NOL6: variants seen among roughly 807,000 people sequenced by gnomAD.
NOL6 encodes the protein nucleolar protein 6.
A neutral mutation model predicts 131.7 loss-of-function variants in NOL6; 33 were observed. The ratio of observed to expected loss-of-function variants is 0.25; its 90% confidence interval spans 0.19 to 0.33. NOL6 has a LOEUF of 0.33. Ranked by LOEUF, NOL6 falls within the 10% of genes least tolerant of loss-of-function variation. NOL6 has a pLI of 1.00. For missense variants in NOL6, 1,297 were observed against 1,494.5 expected (o/e 0.87, Z 2.18); for synonymous variants, 580 against 605.7 (o/e 0.96, Z 0.62).
At chr9:33,473,392 CCA>C (rs1488205606) in intron 1 of NOL6, among the ~76,000 whole-genome samples, 1 of 152,218 alleles carries the variant, frequency 6.6e-6, no homozygotes, top group African/African-American at 2.4e-5. Flanking sequence ...GCCTCTCATC[CCA>C]GAGAGCCTTA....
At chr9:33,465,438 T>A (rs1394895357) in intron 19 of NOL6, 79 bp from the exon 20 acceptor site, 15 of 1,445,146 alleles carry the variant, frequency 1.0e-5, no homozygotes, top group Non-Finnish European at 1.4e-5. Flanking sequence ...AAGGCCAGCC[T>A]CAGTGATAAT....
intron 21 of NOL6, 57 bp downstream of exon 21, chr9:33,464,822 C>T: frequency 1.6e-6 from 2 of 1,289,398 alleles, no homozygotes; most frequent in Non-Finnish European, 2.2e-6. Flanking sequence ...GAAACCCTTG[C>T]CTGCAATCCA....
chr9:33,473,665 A>C (rs1010974627), intron 1 of NOL6, 124 bp downstream of exon 1: 14 of 1,095,576 alleles, frequency 1.3e-5, no homozygotes, highest in Non-Finnish European at 1.7e-5. Context: ...CTGGCTGGAA[A>C]CATCCTCCAG....
At position 33,469,647 on chromosome 9, in the gene NOL6, G is replaced by C; in HGVS notation, c.579C>G (p.Asp193Glu). ...TGCGGAAGTAGCGCTGGTTCAGCCC[G>C]TCCTTGTCCTGTAGGATTTCCTGGA... ...TMPREILQDKDGLNQRYFRKR... is the reference protein window; with the variant it reads ...TMPREILQDKEGLNQRYFRKR... Residue 193 changes from aspartate (D) to glutamate (E), a missense_variant, in exon 5 of 26, where the codon GAC (aspartate) becomes GAG (glutamate). Asp to Glu is a conservative substitution (Grantham distance 45). Transcript: ENST00000297990. 6.2e-7 allele frequency: 1 copy of C among 1,611,448 alleles called. No homozygotes were observed. The highest frequency in any genetic ancestry group is 1.3e-5 in the African/African-American group (1 of 74,838).
chr9:33,469,508 G>A lies in NOL6; in HGVS notation c.718C>T (p.Arg240Trp), dbSNP rs774045471. 16 of 1,605,144 alleles carry A rather than the reference G, an allele frequency of 1.0e-5. No homozygotes were observed. The highest frequency in any genetic ancestry group is 2.2e-5 in the East Asian group (1 of 44,792). The change falls in exon 5 of 26, where the codon CGG (arginine) becomes TGG (tryptophan). Residue 240 changes from arginine (R) to tryptophan (W), a missense_variant. Arg to Trp is a moderately radical substitution (Grantham distance 101, BLOSUM62 -3). Coordinates refer to ENST00000297990, the MANE Select transcript of NOL6 (RefSeq NM_022917.5). ...GCHLKPSLLL[R>W]PRGKDERLVT... ...AATGTGTGCCTCTCACCACGCGGCC[G>A]CAGCAACAGTGAGGGTTTCAGGTGG...
At position 33,466,385 on chromosome 9, in the gene NOL6, TAGA is replaced by T. The variant is rs1392507180; in HGVS notation, c.2129_2131del (p.Phe710del). On this transcript the variant is annotated inframe_deletion, in exon 17 of 26. Transcript: ENST00000297990. ...TGAGGACCGCTCCCGCAGAGTCTCA[TAGA>T]AGGAGAAGGCTGGACGGACTGGAGT... is the stretch of plus-strand genomic sequence containing the variant. 1.9e-6 allele frequency: 3 copies of T among 1,614,080 alleles called. No homozygotes were observed. The highest frequency in any genetic ancestry group is 1.7e-5 in the Admixed American group (1 of 60,026).
chr9:33,468,258 T>C (rs1160362687), intron 10 of NOL6, 63 bp downstream of exon 10: 5 of 1,608,758 alleles, frequency 3.1e-6, no homozygotes, highest in Non-Finnish European at 3.4e-6. Context: ...TTCTGGTACT[T>C]GCAAAAGGGA....
Position 33,463,891 on chromosome 9 carries a change from A to G in NOL6, c.2934T>C (p.Ala978=). The change falls in exon 23 of 26, where the codon GCT becomes GCC. Residue 978 remains alanine (A), a synonymous_variant. Coordinates refer to ENST00000297990, the MANE Select transcript of NOL6 (RefSeq NM_022917.5). ...QILQQLVVLA[A]EALPMLEKQL... The stretch of plus-strand genomic sequence containing the variant: ...GCTTCTCTAACATGGGCAGGGCTTC[A>G]GCTGCCAGGACCACAAGCTGCTGCA... 1.2e-6 allele frequency: 2 copies of G among 1,614,180 alleles called. No homozygotes were observed. The highest frequency in any genetic ancestry group is 2.2e-5 in the South Asian group (2 of 91,088).
At position 33,466,660 on chromosome 9, in the gene NOL6, T is replaced by C; in HGVS notation, c.2000A>G (p.Asp667Gly). 1.9e-6 allele frequency: 3 copies of C among 1,613,950 alleles called. No homozygotes were observed. Among genetic ancestry groups the C allele is most frequent in the Non-Finnish European group, 2.5e-6 (3 of 1,180,010 alleles). Residue 667 changes from aspartate to glycine, a missense_variant, in exon 16 of 26, where the codon GAC becomes GGC. Coordinates refer to ENST00000297990, the MANE Select transcript of NOL6 (RefSeq NM_022917.5). Reference protein sequence around the residue: ...EALVAAVRCYDDLSRLLWGLE... With the variant: ...EALVAAVRCYGDLSRLLWGLE... ...CCCCCACAGTAGGCGACTGAGGTCG[T>C]CGTAGCAACGTACCGCCGCTACCAG...
chr9:33,466,270 G>T, intron 17 of NOL6, 38 bp downstream of exon 17: 1 of 1,613,354 alleles, frequency 6.2e-7, no homozygotes, highest in East Asian at 2.2e-5. Flanking sequence ...CCTGGAGCTG[G>T]AACTATCCCT....
Position 33,469,214 on chromosome 9 carries a change from T to G in NOL6, c.855A>C (p.Ala285=), listed in dbSNP as rs963925625. 6.2e-7 allele frequency: 1 copy of G among 1,614,086 alleles called. No homozygotes were observed. The highest frequency in any genetic ancestry group is 1.3e-5 in the African/African-American group (1 of 74,946). ...RSAWYRGQSP[A]GDGSPEPPTP... ...ACACCAGGGCCTGCTCACCATCCCC[T>G]GCAGGACTCTGCCCTCGGTACCAGG... Residue 285 remains alanine (A), a synonymous_variant, in exon 6 of 26, where the codon GCA becomes GCC. Coordinates refer to ENST00000297990, the MANE Select transcript of NOL6 (RefSeq NM_022917.5).
rs1184171200 is a variant in NOL6, at chr9:33,462,154, T to A, written c.*510A>T. On this transcript the variant is annotated 3_prime_UTR_variant, in exon 26 of 26. Transcript: ENST00000297990. Reference sequence around the variant, plus strand: ...GTCTATTCATACACATATAGCCCCTTTCCACTGCTCAGTGTCGGTGATGTG... The same window carrying A: ...GTCTATTCATACACATATAGCCCCTATCCACTGCTCAGTGTCGGTGATGTG... 10 of 717,416 alleles carry A rather than the reference T, an allele frequency of 1.4e-5. No individual in the cohort carries two copies. The highest frequency in any genetic ancestry group is 2.6e-5 in the Non-Finnish European group (10 of 385,096). 44.4% of individuals were successfully genotyped at this position (717,416 alleles called of 1,614,324 possible). A position where few individuals can be genotyped will look rare whatever the true frequency, so the allele number is the denominator to read the frequency against.
In NOL6 at chr9:33,466,348, C is replaced by A. The variant is rs1827241831; in HGVS notation, c.2169G>T (p.Arg723=). The change falls in exon 17 of 26, where the codon CGG becomes CGT. Residue 723 remains arginine (R), a synonymous_variant. Transcript: ENST00000297990. ...TLRERSSLLP[R]LDKPCPAYVE... is the part of the protein sequence containing the mutation. Reference sequence around the variant, plus strand: ...CGTAGGCCGGACAGGGCTTATCGAGCCGGGGCAGCAGTGAGGACCGCTCCC... The same window carrying A: ...CGTAGGCCGGACAGGGCTTATCGAGACGGGGCAGCAGTGAGGACCGCTCCC... 4 of 1,614,186 alleles carry A rather than the reference C, an allele frequency of 2.5e-6. No homozygotes were observed. Among genetic ancestry groups the A allele is most frequent in the Non-Finnish European group, 3.4e-6 (4 of 1,180,030 alleles).
At chr9:33,462,944 G>A in intron 25 of NOL6, 89 bp downstream of exon 25, 1 of 1,536,112 alleles carries the variant, frequency 6.5e-7, no homozygotes, top group South Asian at 1.2e-5. Context: ...ACACGGGTTT[G>A]CCCATAGGAC....
chr9:33,463,408 C>T lies in NOL6; in HGVS notation c.3028G>A (p.Val1010Met), dbSNP rs370221885. ...TGGCGAGGAGACAGGCGAATCAGCA[C>T]GTCGTAAATGTCCAAGGGCGGCCGG... is the stretch of plus-strand genomic sequence containing the variant. ...VFRPPLDIYD[V>M]LIRLSPRHIP... Residue 1010 changes from valine (V) to methionine (M), a missense_variant, in exon 24 of 26, where the codon GTG becomes ATG. Val to Met is a conservative substitution (Grantham distance 21, BLOSUM62 1). Transcript: ENST00000297990. The T allele has an allele frequency of 4.3e-6, 7 of 1,613,678 alleles. No homozygotes were observed. Among genetic ancestry groups the T allele is most frequent in the Admixed American group, 1.7e-5 (1 of 59,988 alleles).
At position 33,468,371 on chromosome 9, in the gene NOL6, A is replaced by G; in HGVS notation, c.1258T>C (p.Ser420Pro). The G allele has an allele frequency of 1.2e-6, 2 of 1,614,166 alleles. No homozygotes were observed. Among genetic ancestry groups the G allele is most frequent in the Non-Finnish European group, 1.7e-6 (2 of 1,180,012 alleles). The change falls in exon 10 of 26, where the codon TCA (serine) becomes CCA (proline). Residue 420 changes from serine to proline, a missense_variant. Coordinates refer to ENST00000297990, the MANE Select transcript of NOL6 (RefSeq NM_022917.5). ...TCAGCACAGAGGTTGAGATGGCCTG[A>G]GGAATCCAGGAAGACAACGGAGAAG... ...QAFSVVFLDS[S>P]GHLNLCADVT... is the part of the protein sequence containing the mutation.
At position 33,467,051 on chromosome 9, in the gene NOL6, C is replaced by T. The variant is rs1156673488; in HGVS notation, c.1874+63G>A. The T allele has an allele frequency of 2.5e-6, 4 of 1,613,124 alleles. No individual in the cohort carries two copies. Among genetic ancestry groups the T allele is most frequent in the Non-Finnish European group, 3.4e-6 (4 of 1,179,340 alleles). ...CTATGTTCTCGCTCAACTGCCTGGG[C>T]CAGACCCCTGAAAAGGCTCCCCAGC... On this transcript the variant is annotated intron_variant, in intron 14 of 25. Transcript: ENST00000297990. This position sits in a 1 kb window ranked among gnomAD's most constrained non-coding sequence, Gnocchi z 4.4.
Position 33,463,022 on chromosome 9 carries a change from A to G in NOL6, c.3291+11T>C. 1 of 1,609,710 alleles carries G rather than the reference A, an allele frequency of 6.2e-7. No homozygotes were observed. The highest frequency in any genetic ancestry group is 8.5e-7 in the Non-Finnish European group (1 of 1,176,792). On this transcript the variant is annotated intron_variant, in intron 25 of 25. Coordinates refer to ENST00000297990, the MANE Select transcript of NOL6 (RefSeq NM_022917.5). ...CACACTCAGGAACACAGCTGTCACCAGCCAGCACACCTTGAAGGGCTGCGG... is the reference window on the plus strand; with the variant it reads ...CACACTCAGGAACACAGCTGTCACCGGCCAGCACACCTTGAAGGGCTGCGG...
chr9:33,466,941 G>A lies in NOL6; in HGVS notation c.1921C>T (p.Leu641=). The A allele has an allele frequency of 6.2e-7, 1 of 1,614,046 alleles. No individual in the cohort carries two copies. Among genetic ancestry groups the A allele is most frequent in the South Asian group, 1.1e-5 (1 of 91,046 alleles). Residue 641 remains leucine (L), a synonymous_variant, in exon 15 of 26, where the codon CTG becomes TTG. Coordinates refer to ENST00000297990, the MANE Select transcript of NOL6 (RefSeq NM_022917.5). ...TTCAGGCCTTGGATAAGTGCATCCA[G>A]GGGGCCCCCCACATAGTGGACACAG... ...ETCVHYVGGP[L]DALIQGLKET...
Sources: gnomAD v4.1 joint callset for allele counts (sites outside exome capture counted in the v4.1 genomes callset) on GRCh38, gnomAD v4.1.1 for gene constraint, Gnocchi (gnomAD v3.1) non-coding constraint, MANE v1.5 for transcripts, NCBI Gene and HGNC (gene_info 2026-07-23, HGNC 2026-07-21) for gene names.